Variants in ENO2 observed in about 807,000 individuals in gnomAD.
ENO2 encodes the protein enolase 2, also known as gamma-enolase.
ENO2 carries 19 observed loss-of-function variants against 48.7 expected under a neutral mutation model. The ratio of observed to expected loss-of-function variants is 0.39; its 90% CI spans 0.27 to 0.57. ENO2 has a LOEUF of 0.57. ENO2 is among the 20% of genes least tolerant of loss of function. ENO2 has a pLI of 0.58. For synonymous variants in ENO2, 198 were observed against 213.4 expected (o/e 0.93, Z 0.63); for missense variants, 416 against 555.0 (o/e 0.75, Z 2.52).
intron 7 of ENO2, 59 bp from the exon 8 acceptor site, chr12:6,919,504 CCCT>C: frequency 7.6e-6 from 12 of 1,576,948 alleles, no homozygotes; most frequent in South Asian, 6.8e-5. Flanking sequence ...TCTTTTCTTT[CCCT>C]CCTCCTCCTT....
rs1272584379 is a variant in ENO2, at chr12:6,921,800, C to T, written c.1067+18C>T. On this transcript the variant is annotated intron_variant, in intron 9 of 11. Transcript: ENST00000229277. ...ATCCAAGCGTGAGTGACTTCTGGCCCTCTCCTGTGTGGTCCTCGTTTCTAT... is the reference window on the plus strand; with the variant it reads ...ATCCAAGCGTGAGTGACTTCTGGCCTTCTCCTGTGTGGTCCTCGTTTCTAT... The T allele has an allele frequency of 6.2e-7, 1 of 1,613,220 alleles. No homozygotes were observed. The highest frequency in any genetic ancestry group is 2.2e-5 in the East Asian group (1 of 44,876).
In ENO2 at chr12:6,916,639, C is replaced by G; in HGVS notation, c.182-32C>G. 1.2e-6 allele frequency: 2 copies of G among 1,613,838 alleles called. No homozygotes were observed. The highest frequency in any genetic ancestry group is 1.7e-6 in the Non-Finnish European group (2 of 1,179,762). On this transcript the variant is annotated intron_variant, in intron 3 of 11. Transcript: ENST00000229277. This position sits in a 1 kb window ranked among gnomAD's most constrained non-coding sequence, Gnocchi z 4.5. ...ATTGATCCCTTCCGGCCCCTCCTGGCCCGACCCAGTCCAGCCTCTTCCTTT... is the reference window on the plus strand; with the variant it reads ...ATTGATCCCTTCCGGCCCCTCCTGGGCCGACCCAGTCCAGCCTCTTCCTTT...
In ENO2 at chr12:6,917,030, G is replaced by T; in HGVS notation, c.241-8G>T. 1 of 1,614,136 alleles carries T rather than the reference G, an allele frequency of 6.2e-7. No homozygotes were observed. Among genetic ancestry groups the T allele is most frequent in the Non-Finnish European group, 8.5e-7 (1 of 1,180,020 alleles). ...CCTGGCCCTGGGTGATGGAGGCTCT[G>T]CCCTCAGGGTCTCTCTGTGGTGGAG... On this transcript the variant is annotated splice_region_variant and splice_polypyrimidine_tract_variant and intron_variant, in intron 4 of 11. Transcript: ENST00000229277.
intron 8 of ENO2, 25 bp from the exon 9 acceptor site, chr12:6,921,556 C>T (rs1014624269): frequency 9.9e-6 from 16 of 1,612,990 alleles, no homozygotes; most frequent in Admixed American, 6.7e-5. Context: ...ACACCTCCCC[C>T]CTCCCCACCA....
In ENO2 at chr12:6,919,705, A is replaced by T; in HGVS notation, c.807A>T (p.Arg269=). The T allele has an allele frequency of 6.2e-7, 1 of 1,613,982 alleles. No individual in the cohort carries two copies. The highest frequency in any genetic ancestry group is 8.5e-7 in the Non-Finnish European group (1 of 1,180,026). ...LDFKSPTDPS[R]YITGDQLGAL... ...TCAAGTCTCCCACTGATCCTTCCCG[A>T]TACATCACTGGGGACCAGCTGGGGG... Residue 269 remains arginine, a synonymous_variant, in exon 8 of 12, where the codon CGA becomes CGT. Coordinates refer to ENST00000229277, the MANE Select transcript of ENO2 (RefSeq NM_001975.3).
Position 6,921,946 on chromosome 12 carries a change from C to T in ENO2, c.1068-110C>T, listed in dbSNP as rs781884732. 2.0e-6 allele frequency: 3 copies of T among 1,529,872 alleles called. No homozygotes were observed. In the African/African-American group the frequency reaches 4.1e-5, roughly 21 times the overall value. 94.8% of individuals were successfully genotyped at this position (1,529,872 alleles called of 1,614,324 possible). A position where few individuals can be genotyped will look rare whatever the true frequency, so the allele number is the denominator to read the frequency against. On this transcript the variant is annotated intron_variant, in intron 9 of 11. Coordinates refer to ENST00000229277, the MANE Select transcript of ENO2 (RefSeq NM_001975.3). Reference sequence around the variant, plus strand: ...CCCCTCCACCCCTGATTCTCTGCTCCCCTCCCAGATAGCTTTCCCCTAGAT... The same window carrying T: ...CCCCTCCACCCCTGATTCTCTGCTCTCCTCCCAGATAGCTTTCCCCTAGAT...
In ENO2 at chr12:6,922,110, A is replaced by T. The variant is rs1347500732; in HGVS notation, c.1122A>T (p.Gly374=). Residue 374 remains glycine (G), a synonymous_variant, in exon 10 of 12, where the codon GGA becomes GGT. Transcript: ENST00000229277. The surrounding 1 kb of genome is among the most constrained non-coding windows in gnomAD (Gnocchi z 5.3). ...GWGVMVSHRS[G]ETEDTFIADL... ...GGGTCATGGTGAGTCATCGCTCAGG[A>T]GAGACTGAGGACACATTCATTGCTG... 4 of 1,613,994 alleles carry T rather than the reference A, an allele frequency of 2.5e-6. No homozygotes were observed. Among genetic ancestry groups the T allele is most frequent in the Non-Finnish European group, 3.4e-6 (4 of 1,180,030 alleles).
rs895493957 is a variant in ENO2, at chr12:6,921,883, G to C, written c.1067+101G>C. The C allele has an allele frequency of 3.3e-6, 5 of 1,532,152 alleles. No individual in the cohort carries two copies. The African/African-American group carries it at 6.9e-5, about 21-fold the overall frequency. 94.9% of individuals were successfully genotyped at this position (1,532,152 alleles called of 1,614,324 possible). On this transcript the variant is annotated intron_variant, in intron 9 of 11. Transcript: ENST00000229277. ...CTACCCAGGGGTGCCAAAGAGAGCG[G>C]GGAACCTGGAATCATCCTCACAGTT...
At position 6,919,472 on chromosome 12, in the gene ENO2, C is replaced by T. The variant is rs2856894; in HGVS notation, c.668-94C>T. 5.4e-4 allele frequency: 744 copies of T among 1,388,890 alleles called. 4 individuals are homozygous for T. In the African/African-American group the frequency reaches 8.9e-3, roughly 17 times the overall value. 86.0% of individuals were successfully genotyped at this position (1,388,890 alleles called of 1,614,324 possible). On this transcript the variant is annotated intron_variant, in intron 7 of 11. Coordinates refer to ENST00000229277, the MANE Select transcript of ENO2 (RefSeq NM_001975.3). ...CCCGCCACACTTCCCTCAGGAACAG[C>T]CCTCCACCTCTGCCCTGAATGTCTT...
At position 6,917,727 on chromosome 12, in the gene ENO2, C is replaced by A; in HGVS notation, c.444+13C>A. 1 of 1,467,246 alleles carries A rather than the reference C, an allele frequency of 6.8e-7. No homozygotes were observed. Among genetic ancestry groups the A allele is most frequent in the Non-Finnish European group, 9.0e-7 (1 of 1,114,444 alleles). The allele number at this position is 1,467,246 out of a possible 1,614,324, so 90.9% of individuals were successfully genotyped here. Reference sequence around the variant, plus strand: ...CCTGCCTGTGCCGGTGAGCAATAAGCCAGCCTGCGGCTCTCCCAGGGGCGG... The same window carrying A: ...CCTGCCTGTGCCGGTGAGCAATAAGACAGCCTGCGGCTCTCCCAGGGGCGG... On this transcript the variant is annotated intron_variant, in intron 6 of 11. Coordinates refer to ENST00000229277, the MANE Select transcript of ENO2 (RefSeq NM_001975.3).
Position 6,916,850 on chromosome 12 carries a change from G to A in ENO2, c.240+121G>A. ...AGGAATCATGGTTACAAGGGGGAAG[G>A]GTGGGGAACAGCTTCCTTAATGCAC... On this transcript the variant is annotated intron_variant, in intron 4 of 11. Transcript: ENST00000229277. This position sits in a 1 kb window ranked among gnomAD's most constrained non-coding sequence, Gnocchi z 4.5. 6.9e-7 allele frequency: 1 copy of A among 1,446,808 alleles called. No individual in the cohort carries two copies. The highest frequency in any genetic ancestry group is 1.2e-5 in the South Asian group (1 of 82,298). The allele number at this position is 1,446,808 out of a possible 1,614,324, so 89.6% of individuals were successfully genotyped here. A position where few individuals can be genotyped will look rare whatever the true frequency, so the allele number is the denominator to read the frequency against.
Position 6,923,229 on chromosome 12 carries a change from G to C in ENO2, c.*429G>C, listed in dbSNP as rs1945358987. On this transcript the variant is annotated 3_prime_UTR_variant, in exon 12 of 12. Coordinates refer to ENST00000229277, the MANE Select transcript of ENO2 (RefSeq NM_001975.3). ...GCATATGAGCCGTGAACTGTGCATA[G>C]TGCTGGGATGGAGGGGAGTGTTGGG... 5.9e-6 allele frequency: 1 copy of C among 169,250 alleles called. No homozygotes were observed. The highest frequency in any genetic ancestry group is 2.4e-5 in the African/African-American group (1 of 42,268). The allele number at this position is 169,250 out of a possible 1,614,324, so 10.5% of individuals were successfully genotyped here. A position where few individuals can be genotyped will look rare whatever the true frequency, so the allele number is the denominator to read the frequency against.
chr12:6,918,230 C>T, intron 7 of ENO2, 68 bp downstream of exon 7: 1 of 1,539,686 alleles, frequency 6.5e-7, no homozygotes, highest in Non-Finnish European at 8.9e-7. Context: ...AAGGGTGACA[C>T]AGTTCACCAA....
At chr12:6,919,443 C>A in intron 7 of ENO2, 123 bp from the exon 8 acceptor site, 1 of 1,061,064 alleles carries the variant, frequency 9.4e-7, no homozygotes, top group Non-Finnish European at 1.4e-6. Context: ...ACCCCAACAG[C>A]ATCCCCGCCA....
chr12:6,919,834 T>C, intron 8 of ENO2, 71 bp downstream of exon 8: 9 of 1,546,868 alleles, frequency 5.8e-6, no homozygotes, highest in Non-Finnish European at 8.0e-6. Context: ...CTGGACCTTA[T>C]GGGGTGCTGA....
At position 6,921,570 on chromosome 12, in the gene ENO2, T is replaced by C. The variant is rs781965271; in HGVS notation, c.866-11T>C. On this transcript the variant is annotated splice_polypyrimidine_tract_variant and intron_variant, in intron 8 of 11. Coordinates refer to ENST00000229277, the MANE Select transcript of ENO2 (RefSeq NM_001975.3). ...AACACCTCCCCCCTCCCCACCATGC[T>C]CTCTCTGCAGTGGTCTCCATTGAGG... The C allele has an allele frequency of 6.2e-7, 1 of 1,613,874 alleles. No homozygotes were observed. The highest frequency in any genetic ancestry group is 8.5e-7 in the Non-Finnish European group (1 of 1,179,870).
intron 1 of ENO2, chr12:6,915,419 C>T (rs1291310870): frequency 1.4e-5 from 3 of 207,448 alleles, no homozygotes; most frequent in South Asian, 8.3e-5. Flanking sequence ...GCAGCCCATC[C>T]TCTTCTTGGC....
chr12:6,917,749 G>GA, intron 6 of ENO2, 35 bp downstream of exon 6: 1 of 1,593,822 alleles, frequency 6.3e-7, no homozygotes, highest in Non-Finnish European at 8.6e-7. Context: ...TCTCCCAGGG[G>GA]CGGGTGGGGG....
chr12:6,918,357 T>A (rs1217460944), intron 7 of ENO2, among the ~76,000 whole-genome samples, 195 bp downstream of exon 7: 4 of 151,592 alleles, frequency 2.6e-5, no homozygotes, highest in African/African-American at 9.7e-5. Context: ...GACAGTATTT[T>A]TTTTTTTTTT....
Sources: gnomAD v4.1 joint callset for allele counts (sites outside exome capture counted in the v4.1 genomes callset) on GRCh38, gnomAD v4.1.1 for gene constraint, Gnocchi (gnomAD v3.1) non-coding constraint, MANE v1.5 for transcripts, NCBI Gene and HGNC (gene_info 2026-07-23, HGNC 2026-07-21) for gene names.